HLA-E: variants seen among roughly 807,000 people sequenced by gnomAD.
HLA-E encodes the protein HLA class I histocompatibility antigen, alpha chain E.
Under a neutral mutation model 43.4 loss-of-function variants are expected in HLA-E, and 25 were observed. The observed-to-expected ratio is 0.58, with a 90% CI of 0.42 to 0.80. The LOEUF (loss-of-function observed/expected upper bound fraction) is 0.80. HLA-E is among the 30% of genes least tolerant of loss of function. The probability of loss-of-function intolerance (pLI) is 0.00; values close to 1 mark genes in which losing one functional copy is unlikely to be tolerated. For synonymous variants in HLA-E, 161 were observed against 197.6 expected (o/e 0.81, Z 1.55); for missense variants, 343 against 470.0 (o/e 0.73, Z 2.50).
chr6:30,491,700 G>A lies in HLA-E; in HGVS notation c.1003+47G>A, dbSNP rs1487806268. On this transcript the variant is annotated intron_variant, in intron 5 of 7. Transcript: ENST00000376630. This position sits in a 1 kb window ranked among gnomAD's most constrained non-coding sequence, Gnocchi z 5.4. ...GGTCTGAGTTTTCTTGTCCCACTGGGTGTTTCAAGCCCTAGGTAAAAGTGT... is the reference window on the plus strand; with the variant it reads ...GGTCTGAGTTTTCTTGTCCCACTGGATGTTTCAAGCCCTAGGTAAAAGTGT... 6.8e-7 allele frequency: 1 copy of A among 1,480,506 alleles called. No individual in the cohort carries two copies. The highest frequency in any genetic ancestry group is 1.2e-5 in the South Asian group (1 of 86,000). The allele number at this position is 1,480,506 out of a possible 1,614,324, so 91.7% of individuals were successfully genotyped here.
Position 30,489,972 on chromosome 6 carries a change from G to A in HLA-E, c.311G>A (p.Gly104Asp). Reference sequence around the variant, plus strand: ...CGAGTGAATCTGCGGACGCTGCGCGGCTACTACAATCAGAGCGAGGCCGGT... The same window carrying A: ...CGAGTGAATCTGCGGACGCTGCGCGACTACTACAATCAGAGCGAGGCCGGT... ...IFRVNLRTLR[G>D]YYNQSEAGSH... is the part of the protein sequence containing the mutation. Residue 104 changes from glycine to aspartate, a missense_variant, in exon 2 of 8, where the codon GGC becomes GAC. Physicochemically the swap from Gly to Asp is moderately conservative, Grantham distance 94. Transcript: ENST00000376630. The surrounding 1 kb of genome is among the most constrained non-coding windows in gnomAD (Gnocchi z 5.6). The A allele has an allele frequency of 6.2e-7, 1 of 1,610,258 alleles. No individual in the cohort carries two copies. Among genetic ancestry groups the A allele is most frequent in the Admixed American group, 1.7e-5 (1 of 59,958 alleles).
At position 30,492,384 on chromosome 6, in the gene HLA-E, A is replaced by C; in HGVS notation, c.1004-20A>C. ...CCCTGCCTCCTCCCTGGCCCCTCAC[A>C]GGACATTTTCTTCCAACAGGTGGAA... On this transcript the variant is annotated intron_variant, in intron 5 of 7. Coordinates refer to ENST00000376630, the MANE Select transcript of HLA-E (RefSeq NM_005516.6). The surrounding 1 kb of genome is among the most constrained non-coding windows in gnomAD (Gnocchi z 4.5). The C allele has an allele frequency of 6.2e-7, 1 of 1,614,084 alleles. No individual in the cohort carries two copies. Among genetic ancestry groups the C allele is most frequent in the Non-Finnish European group, 8.5e-7 (1 of 1,179,952 alleles).
chr6:30,490,046 C>T lies in HLA-E; in HGVS notation c.334+51C>T, dbSNP rs1292549202. The T allele has an allele frequency of 6.4e-7, 1 of 1,553,988 alleles. No individual in the cohort carries two copies. The highest frequency in any genetic ancestry group is 2.2e-5 in the East Asian group (1 of 44,506). On this transcript the variant is annotated intron_variant, in intron 2 of 7. Coordinates refer to ENST00000376630, the MANE Select transcript of HLA-E (RefSeq NM_005516.6). This position sits in a 1 kb window ranked among gnomAD's most constrained non-coding sequence, Gnocchi z 6.6. ...GGTCACGACCCCTCCCCATCCCCCA[C>T]GGACGGCGCGGGTCCCCTCGAATCT...
Position 30,490,498 on chromosome 6 carries a change from A to G in HLA-E, c.593A>G (p.Glu198Gly). 1 of 1,612,818 alleles carries G rather than the reference A, an allele frequency of 6.2e-7. No homozygotes were observed. The highest frequency in any genetic ancestry group is 1.1e-5 in the South Asian group (1 of 91,082). ...CACAAATACCTGGAGAAGGGGAAGG[A>G]GACGCTGCTTCACCTGGGTAAGAGG... ...WLHKYLEKGK[E>G]TLLHLEPPKT... Residue 198 changes from glutamate to glycine, a missense_variant, in exon 3 of 8, where the codon GAG (glutamate) becomes GGG (glycine). Transcript: ENST00000376630. The surrounding 1 kb of genome is among the most constrained non-coding windows in gnomAD (Gnocchi z 6.6).
At position 30,490,353 on chromosome 6, in the gene HLA-E, G is replaced by A. The variant is rs1796462096; in HGVS notation, c.448G>A (p.Asp150Asn). 1 of 1,613,066 alleles carries A rather than the reference G, an allele frequency of 6.2e-7. No homozygotes were observed. Among genetic ancestry groups the A allele is most frequent in the Non-Finnish European group, 8.5e-7 (1 of 1,180,024 alleles). ...DGKDYLTLNE[D>N]LRSWTAVDTA... ...CAAGGATTATCTCACCCTGAATGAG[G>A]ACCTGCGCTCCTGGACCGCGGTGGA... The change falls in exon 3 of 8, where the codon GAC (aspartate) becomes AAC (asparagine). Residue 150 changes from aspartate (D) to asparagine (N), a missense_variant. By Grantham distance (23) the Asp-to-Asn change is conservative. Around this residue, in one of 3 missense-constraint regions of HLA-E, gnomAD observed 190 missense variants for 283.6 expected, o/e 0.67. Transcript: ENST00000376630. This position sits in a 1 kb window ranked among gnomAD's most constrained non-coding sequence, Gnocchi z 6.6.
Position 30,492,629 on chromosome 6 carries a change from G to T in HLA-E, c.*2+46G>T, listed in dbSNP as rs1294070567. ...AGTGGGTGGAGGGTGGGGCAGAGGGGACAGGACTGGGTTGTGGGGATTTTT... is the reference window on the plus strand; with the variant it reads ...AGTGGGTGGAGGGTGGGGCAGAGGGTACAGGACTGGGTTGTGGGGATTTTT... On this transcript the variant is annotated intron_variant, in intron 7 of 7. Transcript: ENST00000376630. This position sits in a 1 kb window ranked among gnomAD's most constrained non-coding sequence, Gnocchi z 4.5. The T allele has an allele frequency of 1.3e-6, 2 of 1,585,966 alleles. No individual in the cohort carries two copies. Among genetic ancestry groups the T allele is most frequent in the Admixed American group, 1.7e-5 (1 of 57,714 alleles).
At position 30,491,819 on chromosome 6, in the gene HLA-E, G is replaced by A. The variant is rs893416653; in HGVS notation, c.1003+166G>A. 1.3e-4 allele frequency among the ~76,000 whole-genome samples: 19 copies of A among 151,800 alleles called. No individual in the cohort carries two copies. The highest frequency in any genetic ancestry group is 3.9e-4 in the African/African-American group (16 of 41,284). On this transcript the variant is annotated intron_variant, in intron 5 of 7. Coordinates refer to ENST00000376630, the MANE Select transcript of HLA-E (RefSeq NM_005516.6). This position sits in a 1 kb window ranked among gnomAD's most constrained non-coding sequence, Gnocchi z 5.4. ...AGCACCTACTCTTTTTTTTTGAGAC[G>A]GAGTCTTGGCTCTGTCACCCAGGCT...
At position 30,492,650 on chromosome 6, in the gene HLA-E, T is replaced by A. The variant is rs1027086816; in HGVS notation, c.*2+67T>A. 2 of 1,513,484 alleles carry A rather than the reference T, an allele frequency of 1.3e-6. No homozygotes were observed. The highest frequency in any genetic ancestry group is 2.8e-5 in the African/African-American group (2 of 71,308). The allele number at this position is 1,513,484 out of a possible 1,614,324, so 93.8% of individuals were successfully genotyped here. A position where few individuals can be genotyped will look rare whatever the true frequency, so the allele number is the denominator to read the frequency against. On this transcript the variant is annotated intron_variant, in intron 7 of 7. Coordinates refer to ENST00000376630, the MANE Select transcript of HLA-E (RefSeq NM_005516.6). The surrounding 1 kb of genome is among the most constrained non-coding windows in gnomAD (Gnocchi z 4.5). The stretch of plus-strand genomic sequence containing the variant: ...AGGGGACAGGACTGGGTTGTGGGGA[T>A]TTTTTGATTCAGAATTTTTGAGTGT...
In HLA-E at chr6:30,490,011, CA is replaced by C; in HGVS notation, c.334+17del. On this transcript the variant is annotated intron_variant, in intron 2 of 7. Transcript: ENST00000376630. This position sits in a 1 kb window ranked among gnomAD's most constrained non-coding sequence, Gnocchi z 6.6. ...AGCGAGGCCGGTGAGTGACCCCGGC[CA>C]GGGGAGCAGGTCACGACCCCTCCCC... 6.3e-7 allele frequency: 1 copy of C among 1,596,070 alleles called. No homozygotes were observed. The highest frequency in any genetic ancestry group is 8.5e-7 in the Non-Finnish European group (1 of 1,169,734).
chr6:30,491,201 G>C lies in HLA-E; in HGVS notation c.675G>C (p.Trp225Cys). 6.2e-7 allele frequency: 1 copy of C among 1,613,976 alleles called. No individual in the cohort carries two copies. Among genetic ancestry groups the C allele is most frequent in the South Asian group, 1.1e-5 (1 of 91,078 alleles). ...ACCATGAGGCCACCCTGAGGTGCTG[G>C]GCCCTGGGCTTCTACCCTGCGGAGA... ...ISDHEATLRC[W>C]ALGFYPAEIT... Residue 225 changes from tryptophan (W) to cysteine (C), a missense_variant, in exon 4 of 8, where the codon TGG becomes TGC. By Grantham distance (215) the Trp-to-Cys change is radical. Transcript: ENST00000376630. This position sits in a 1 kb window ranked among gnomAD's most constrained non-coding sequence, Gnocchi z 5.4.
rs1418481036 is a variant in HLA-E at position 30,492,217 on chromosome 6, G to A, written c.1004-187G>A. 6.6e-6 allele frequency among the ~76,000 whole-genome samples: 1 copy of A among 152,168 alleles called. No homozygotes were observed. Among genetic ancestry groups the A allele is most frequent in the Non-Finnish European group, 1.5e-5 (1 of 68,032 alleles). ...CAGGTCACAGGGGAAGGTCCCTGCTGAAGACAGACCTCAGAAGGGCAGTTG... is the reference window on the plus strand; with the variant it reads ...CAGGTCACAGGGGAAGGTCCCTGCTAAAGACAGACCTCAGAAGGGCAGTTG... On this transcript the variant is annotated intron_variant, in intron 5 of 7. Transcript: ENST00000376630. This position sits in a 1 kb window ranked among gnomAD's most constrained non-coding sequence, Gnocchi z 4.5.
In HLA-E at chr6:30,491,278, T is replaced by C. The variant is rs779118012; in HGVS notation, c.752T>C (p.Leu251Pro). 3.1e-6 allele frequency: 5 copies of C among 1,614,126 alleles called. No individual in the cohort carries two copies. The highest frequency in any genetic ancestry group is 4.2e-6 in the Non-Finnish European group (5 of 1,180,020). ...GAGGGCCATACCCAGGACACGGAGC[T>C]CGTGGAGACCAGGCCTGCAGGGGAT... The part of the protein sequence containing the change: ...DGEGHTQDTE[L>P]VETRPAGDGT... Residue 251 changes from leucine (L) to proline (P), a missense_variant, in exon 4 of 8, where the codon CTC becomes CCC. Coordinates refer to ENST00000376630, the MANE Select transcript of HLA-E (RefSeq NM_005516.6). The surrounding 1 kb of genome is among the most constrained non-coding windows in gnomAD (Gnocchi z 5.4).
rs765570299 is a variant in HLA-E, at chr6:30,489,582, C to G, written c.51C>G (p.Thr17=). ...TCCTCTCGGAGGCCCTGGCCCTTAC[C>G]CAGACCTGGGCGGGTGAGTGCGGGG... is the stretch of plus-strand genomic sequence containing the variant. ...LLLLSEALAL[T]QTWAGSHSLK... Residue 17 remains threonine (T), a synonymous_variant, in exon 1 of 8, where the codon ACC becomes ACG. Transcript: ENST00000376630. This position sits in a 1 kb window ranked among gnomAD's most constrained non-coding sequence, Gnocchi z 5.6. 5 of 1,563,454 alleles carry G rather than the reference C, an allele frequency of 3.2e-6. No homozygotes were observed. In the Admixed American group the frequency reaches 9.4e-5, roughly 29 times the overall value.
rs1355207776 is a variant in HLA-E, at chr6:30,491,702, G to A, written c.1003+49G>A. 1 of 1,459,218 alleles carries A rather than the reference G, an allele frequency of 6.9e-7. No homozygotes were observed. Among genetic ancestry groups the A allele is most frequent in the Non-Finnish European group, 9.5e-7 (1 of 1,051,488 alleles). The allele number at this position is 1,459,218 out of a possible 1,614,324, so 90.4% of individuals were successfully genotyped here. The stretch of plus-strand genomic sequence containing the variant: ...TCTGAGTTTTCTTGTCCCACTGGGT[G>A]TTTCAAGCCCTAGGTAAAAGTGTGT... On this transcript the variant is annotated intron_variant, in intron 5 of 7. Coordinates refer to ENST00000376630, the MANE Select transcript of HLA-E (RefSeq NM_005516.6). The surrounding 1 kb of genome is among the most constrained non-coding windows in gnomAD (Gnocchi z 5.4).
At position 30,490,110 on chromosome 6, in the gene HLA-E, C is replaced by A; in HGVS notation, c.334+115C>A. The A allele has an allele frequency of 1.3e-6, 2 of 1,504,024 alleles. No individual in the cohort carries two copies. The highest frequency in any genetic ancestry group is 1.8e-6 in the Non-Finnish European group (2 of 1,106,410). The allele number at this position is 1,504,024 out of a possible 1,614,324, so 93.2% of individuals were successfully genotyped here. ...TCACCCCAAGGCTGCGGAACCCGCC[C>A]AGACCCTAGACCGGGGAGAGTCTCA... On this transcript the variant is annotated intron_variant, in intron 2 of 7. Coordinates refer to ENST00000376630, the MANE Select transcript of HLA-E (RefSeq NM_005516.6). This position sits in a 1 kb window ranked among gnomAD's most constrained non-coding sequence, Gnocchi z 6.6.
rs1796509137 is a variant in HLA-E, at chr6:30,491,179, A to G, written c.653A>G (p.His218Arg). The G allele has an allele frequency of 6.2e-7, 1 of 1,613,852 alleles. No individual in the cohort carries two copies. The highest frequency in any genetic ancestry group is 1.3e-5 in the African/African-American group (1 of 74,920). ...THVTHHPISD[H>R]EATLRCWALG... ...GTGACTCACCACCCCATCTCTGACC[A>G]TGAGGCCACCCTGAGGTGCTGGGCC... The change falls in exon 4 of 8, where the codon CAT (histidine) becomes CGT (arginine). Residue 218 changes from histidine to arginine, a missense_variant. Transcript: ENST00000376630. This position sits in a 1 kb window ranked among gnomAD's most constrained non-coding sequence, Gnocchi z 5.4.
Position 30,491,600 on chromosome 6 carries a change from C to T in HLA-E, c.950C>T (p.Ser317Phe), listed in dbSNP as rs1197614397. The T allele has an allele frequency of 6.2e-7, 1 of 1,613,472 alleles. No individual in the cohort carries two copies. Among genetic ancestry groups the T allele is most frequent in the East Asian group, 2.2e-5 (1 of 44,884 alleles). ...ATTGCTGGCCTGGTTCTCCTTGGAT[C>T]TGTGGTCTCTGGAGCTGTGGTTGCT... is the stretch of plus-strand genomic sequence containing the variant. Reference protein sequence around the residue: ...GIIAGLVLLGSVVSGAVVAAV... With the variant: ...GIIAGLVLLGFVVSGAVVAAV... Residue 317 changes from serine (S) to phenylalanine (F), a missense_variant, in exon 5 of 8, where the codon TCT becomes TTT. Ser to Phe is a radical substitution (Grantham distance 155). Transcript: ENST00000376630. This position sits in a 1 kb window ranked among gnomAD's most constrained non-coding sequence, Gnocchi z 5.4.
In HLA-E at chr6:30,489,898, G is replaced by A; in HGVS notation, c.237G>A (p.Glu79=). 6.2e-7 allele frequency: 1 copy of A among 1,613,064 alleles called. No individual in the cohort carries two copies. Among genetic ancestry groups the A allele is most frequent in the Middle Eastern group, 1.7e-4 (1 of 6,046 alleles). The change falls in exon 2 of 8, where the codon GAG becomes GAA. Residue 79 remains glutamate, a synonymous_variant. Coordinates refer to ENST00000376630, the MANE Select transcript of HLA-E (RefSeq NM_005516.6). The surrounding 1 kb of genome is among the most constrained non-coding windows in gnomAD (Gnocchi z 5.6). ...CGTGGATGGAGCAGGAGGGGTCAGA[G>A]TATTGGGACCGGGAGACACGGAGCG... ...RAPWMEQEGS[E]YWDRETRSAR... is the part of the protein sequence containing the mutation.
chr6:30,489,591 G>A lies in HLA-E; in HGVS notation c.60G>A (p.Trp20Ter). Residue 20 changes from tryptophan (W) to a stop codon, truncating the protein, a stop_gained, in exon 1 of 8, where the codon TGG becomes TGA. Transcript: ENST00000376630. LOFTEE classifies it high-confidence loss of function. The surrounding 1 kb of genome is among the most constrained non-coding windows in gnomAD (Gnocchi z 5.6). ...LSEALALTQT[W>*]AGSHSLKYFH... ...AGGCCCTGGCCCTTACCCAGACCTG[G>A]GCGGGTGAGTGCGGGGTCGGGATGG... 1 of 1,571,020 alleles carries A rather than the reference G, an allele frequency of 6.4e-7. No homozygotes were observed. Among genetic ancestry groups the A allele is most frequent in the Non-Finnish European group, 8.6e-7 (1 of 1,158,276 alleles).
Sources: allele counts gnomAD v4.1 joint callset (sites outside exome capture counted in the v4.1 genomes callset), GRCh38; gene constraint gnomAD v4.1.1; regional missense constraint gnomAD v4.1.1; non-coding constraint Gnocchi (gnomAD v3.1); transcripts MANE v1.5; gene names NCBI Gene and HGNC (gene_info 2026-07-23, HGNC 2026-07-21).